Variants in SYT6 observed in about 807,000 individuals in gnomAD.
SYT6 encodes the protein synaptotagmin 6.
A neutral mutation model predicts 38.4 loss-of-function variants in SYT6; 24 were observed. That is an observed-to-expected ratio of 0.62 (90% CI 0.45 to 0.88). SYT6 has a LOEUF of 0.88. Among genes scored for constraint, SYT6 ranks in the 40% least tolerant of loss-of-function variants. The pLI, the probability that SYT6 is intolerant of heterozygous loss-of-function variation, is 0.00. For synonymous variants in SYT6, 265 were observed against 241.9 expected (o/e 1.10, Z -0.89); for missense variants, 611 against 621.0 (o/e 0.98, Z 0.17).
At chr1:114,104,668 C>CCATT (rs1676175044) in intron 3 of SYT6, among the ~76,000 whole-genome samples, 1 of 151,762 alleles carries the variant, frequency 6.6e-6, no homozygotes, top group Non-Finnish European at 1.5e-5. Flanking sequence ...ATGAGGCCCT[C>CCATT]CATCCATCCA....
chr1:114,112,422 C>A (rs1322775590), intron 3 of SYT6, among the ~76,000 whole-genome samples: 3 of 152,238 alleles, frequency 2.0e-5, no homozygotes, highest in Non-Finnish European at 4.4e-5. Context: ...CCTTCGTGAA[C>A]CTGCCCTTGA....
chr1:114,100,787 A>G (rs1675922908), intron 4 of SYT6, among the ~76,000 whole-genome samples: 3 of 152,336 alleles, frequency 2.0e-5, no homozygotes, highest in Middle Eastern at 6.8e-3. Flanking sequence ...AGGTAGACAG[A>G]TGGGCAGAGC....
intron 3 of SYT6, among the ~76,000 whole-genome samples, chr1:114,133,051 A>C (rs1400539718): frequency 6.6e-6 from 1 of 152,100 alleles, no homozygotes; most frequent in Non-Finnish European, 1.5e-5. Context: ...TCCTCCCTGC[A>C]TACCCTCAGT....
At chr1:114,093,258 G>A (rs1675429805) in intron 7 of SYT6, among the ~76,000 whole-genome samples, 2 of 152,162 alleles carry the variant, frequency 1.3e-5, no homozygotes, top group Admixed American at 6.5e-5. Flanking sequence ...GAGTAGATGG[G>A]AAACCCATGA....
chr1:114,118,669 C>T (rs1677157873), intron 3 of SYT6, among the ~76,000 whole-genome samples: 1 of 152,342 alleles, frequency 6.6e-6, no homozygotes, highest in South Asian at 2.1e-4. Flanking sequence ...GTCCCCGCGG[C>T]TCAGGTTCCT....
intron 3 of SYT6, among the ~76,000 whole-genome samples, chr1:114,112,820 G>C (rs1676764193): frequency 6.6e-6 from 1 of 152,190 alleles, no homozygotes. Flanking sequence ...TTGCCGAGTG[G>C]CTGTCAAATA....
At chr1:114,099,365 G>T in intron 4 of SYT6, 100 bp from the exon 5 acceptor site, 2 of 1,240,140 alleles carry the variant, frequency 1.6e-6, no homozygotes, top group Non-Finnish European at 2.2e-6. Context: ...ACCTACTGCT[G>T]CTCATCAGAT....
Position 114,090,812 on chromosome 1 carries a change from C to G in SYT6, c.*1322G>C, listed in dbSNP as rs1675259301. The G allele has an allele frequency of 6.6e-6, 1 of 152,468 alleles. No homozygotes were observed. The highest frequency in any genetic ancestry group is 2.1e-4 in the South Asian group (1 of 4,822). The allele number at this position is 152,468 out of a possible 1,614,324, so 9.4% of individuals were successfully genotyped here. A position where few individuals can be genotyped will look rare whatever the true frequency, so the allele number is the denominator to read the frequency against. Reference sequence around the variant, plus strand: ...CCACTATTAACTCAACAGAAATGTGCTATTACAACACAGAATAGTTCAAAC... The same window carrying G: ...CCACTATTAACTCAACAGAAATGTGGTATTACAACACAGAATAGTTCAAAC... On this transcript the variant is annotated 3_prime_UTR_variant, in exon 8 of 8. Coordinates refer to ENST00000610222, the MANE Select transcript of SYT6 (RefSeq NM_001253772.2).
chr1:114,090,775 TTGG>T lies in SYT6; in HGVS notation c.*1356_*1358del, dbSNP rs1675258020. 1 of 152,390 alleles carries T rather than the reference TTGG, an allele frequency of 6.6e-6. No homozygotes were observed. The highest frequency in any genetic ancestry group is 1.5e-5 in the Non-Finnish European group (1 of 68,044). 9.4% of individuals were successfully genotyped at this position (152,390 alleles called of 1,614,324 possible). A position where few individuals can be genotyped will look rare whatever the true frequency, so the allele number is the denominator to read the frequency against. On this transcript the variant is annotated 3_prime_UTR_variant, in exon 8 of 8. Transcript: ENST00000610222. Reference sequence around the variant, plus strand: ...GAGCAAATCAACCTGGTTTTAGGGGTTGGTGGGAAGACCACTATTAACTCAACA... The same window carrying T: ...GAGCAAATCAACCTGGTTTTAGGGGTTGGGAAGACCACTATTAACTCAACA...
At position 114,098,616 on chromosome 1, in the gene SYT6, A is replaced by G. The variant is rs376471976; in HGVS notation, c.1364+478T>C. 4.0e-3 allele frequency among the ~76,000 whole-genome samples: 604 copies of G among 152,300 alleles called. 3 individuals are homozygous for G. The highest frequency in any genetic ancestry group is 6.4e-3 in the Non-Finnish European group (432 of 68,014). On this transcript the variant is annotated intron_variant, in intron 5 of 7. Coordinates refer to ENST00000610222, the MANE Select transcript of SYT6 (RefSeq NM_001253772.2). The stretch of plus-strand genomic sequence containing the variant: ...TCACAGGAGCCATTGATGGTTCTTG[A>G]GAAGGGCAGGTCCAGGAAGAAAGCT...
At position 114,137,680 on chromosome 1, in the gene SYT6, C is replaced by CATCAAAGG; in HGVS notation, c.878_885dup (p.Glu296ProfsTer35). 1 of 1,613,898 alleles carries CATCAAAGG rather than the reference C, an allele frequency of 6.2e-7. No homozygotes were observed. The highest frequency in any genetic ancestry group is 8.5e-7 in the Non-Finnish European group (1 of 1,179,816). On this transcript the variant is annotated frameshift_variant, in exon 3 of 8. Coordinates refer to ENST00000610222, the MANE Select transcript of SYT6 (RefSeq NM_001253772.2). LOFTEE classifies it high-confidence loss of function. ...TAGGGCACAGGGAAGTGGAAGTTCT[C>CATCAAAGG]ATCAAAGGTGGGGTTCAGGGTCTTG...
intron 4 of SYT6, among the ~76,000 whole-genome samples, chr1:114,100,269 G>A (rs1353004696): frequency 1.3e-5 from 2 of 152,170 alleles, no homozygotes; most frequent in Admixed American, 6.5e-5. Context: ...CTTTCGAGAC[G>A]CTGATGTGCT....
chr1:114,094,387 C>T lies in SYT6; in HGVS notation c.1516-584G>A, dbSNP rs550934160. Among the ~76,000 whole-genome samples, 3 of 152,322 alleles carry T rather than the reference C, an allele frequency of 2.0e-5. No individual in the cohort carries two copies. The South Asian group carries it at 6.2e-4, about 32-fold the overall frequency. On this transcript the variant is annotated intron_variant, in intron 6 of 7. Coordinates refer to ENST00000610222, the MANE Select transcript of SYT6 (RefSeq NM_001253772.2). ...ACGTTCCAACAGAGATTTAACATCT[C>T]TGGCAGATGATCTGAACCCGGCCCC...
intron 3 of SYT6, among the ~76,000 whole-genome samples, chr1:114,119,500 T>C (rs1464405064): frequency 1.2e-4 from 19 of 152,266 alleles, no homozygotes; most frequent in Admixed American, 1.2e-3. Context: ...TTTGTGTGAA[T>C]TCTCTTCTTT....
In SYT6 at chr1:114,109,346, G is replaced by A. The variant is rs150969806; in HGVS notation, c.1072-5625C>T. Among the ~76,000 whole-genome samples, 29 of 152,354 alleles carry A rather than the reference G, an allele frequency of 1.9e-4. No individual in the cohort carries two copies. In the South Asian group the frequency reaches 2.9e-3, roughly 15 times the overall value. On this transcript the variant is annotated intron_variant, in intron 3 of 7. Transcript: ENST00000610222. ...TCTCATGTGTAGCCCAGTGCCTGATGTGTAGTAAGTGCTCAGCAAATACTG... is the reference window on the plus strand; with the variant it reads ...TCTCATGTGTAGCCCAGTGCCTGATATGTAGTAAGTGCTCAGCAAATACTG...
rs567978459 is a variant in SYT6 at position 114,118,944 on chromosome 1, C to T, written c.1072-15223G>A. On this transcript the variant is annotated intron_variant, in intron 3 of 7. Coordinates refer to ENST00000610222, the MANE Select transcript of SYT6 (RefSeq NM_001253772.2). ...TCACAGATTCCTGGACCTGGGGTGG[C>T]TCCTATGTCTCCGTGATCACTGCCC... 3.3e-5 allele frequency among the ~76,000 whole-genome samples: 5 copies of T among 152,342 alleles called. No individual in the cohort carries two copies. In the East Asian group the frequency reaches 9.6e-4, roughly 29 times the overall value.
chr1:114,104,531 C>A (rs567346985), intron 3 of SYT6, among the ~76,000 whole-genome samples: 1 of 152,088 alleles, frequency 6.6e-6, no homozygotes, highest in Non-Finnish European at 1.5e-5. Flanking sequence ...TGAAGGAGGG[C>A]GCTGTCACGG....
chr1:114,138,909 A>G (rs1678676155), intron 2 of SYT6, among the ~76,000 whole-genome samples: 1 of 152,186 alleles, frequency 6.6e-6, no homozygotes, highest in African/African-American at 2.4e-5. Flanking sequence ...CAGTCTGAAG[A>G]CCAGGCCTCG....
In SYT6 at chr1:114,121,980, GA is replaced by G. The variant is rs1466468841; in HGVS notation, c.1071+15514del. 2.6e-5 allele frequency among the ~76,000 whole-genome samples: 4 copies of G among 152,288 alleles called. No homozygotes were observed. In the East Asian group the frequency reaches 7.7e-4, roughly 29 times the overall value. On this transcript the variant is annotated intron_variant, in intron 3 of 7. Coordinates refer to ENST00000610222, the MANE Select transcript of SYT6 (RefSeq NM_001253772.2). ...GGGAAAGCGAGAGGTGAAGTGGTTT[GA>G]CAGGCCACACAGTGGAGCCACCTTC...
Sources: allele counts gnomAD v4.1 joint callset (sites outside exome capture counted in the v4.1 genomes callset), GRCh38; gene constraint gnomAD v4.1.1; transcripts MANE v1.5; gene names NCBI Gene and HGNC (gene_info 2026-07-23, HGNC 2026-07-21).